CHAF1A: variants seen among roughly 807,000 people sequenced by gnomAD.
CHAF1A encodes chromatin assembly factor 1 subunit A.
A neutral mutation model predicts 93.2 loss-of-function variants in CHAF1A; 5 were observed. The observed-to-expected ratio is 0.05, with a 90% CI of 0.03 to 0.11. CHAF1A has a LOEUF of 0.11. Among genes scored for constraint, CHAF1A ranks in the 10% least tolerant of loss-of-function variants. The pLI, the probability that CHAF1A is intolerant of heterozygous loss-of-function variation, is 1.00. For synonymous variants in CHAF1A, 504 were observed against 510.3 expected (o/e 0.99, Z 0.17); for missense variants, 1,102 against 1,259.9 (o/e 0.87, Z 1.90).
chr19:4,443,631 G>C (rs925266866), downstream of CHAF1A, among the ~76,000 whole-genome samples: 3 of 152,224 alleles, frequency 2.0e-5, no homozygotes, highest in African/African-American at 7.2e-5. Context: ...TGGGGGGTTA[G>C]GAGAGGGTGT....
At chr19:4,411,642 A>ATTTTTT (rs1202069647) in intron 3 of CHAF1A, among the ~76,000 whole-genome samples, 1 of 38,066 alleles carries the variant, frequency 2.6e-5, no homozygotes, top group African/African-American at 9.4e-5. Flanking sequence ...AATGGTGCAA[A>ATTTTTT]TCTTTTTTTT....
chr19:4,437,632 C>G (rs1259854831), intron 13 of CHAF1A, among the ~76,000 whole-genome samples: 1 of 152,216 alleles, frequency 6.6e-6, no homozygotes, highest in African/African-American at 2.4e-5. Flanking sequence ...CTGACTGATG[C>G]TTCTGCACCC....
At chr19:4,423,997 A>T in intron 7 of CHAF1A, 123 bp downstream of exon 7, 1 of 814,324 alleles carries the variant, frequency 1.2e-6, no homozygotes, top group South Asian at 1.6e-5. Flanking sequence ...CCAGTGACCT[A>T]GGGCACTTCC....
chr19:4,402,915 T>C, intron 1 of CHAF1A, 101 bp downstream of exon 1: 5 of 718,496 alleles, frequency 7.0e-6, no homozygotes, highest in Non-Finnish European at 9.4e-6. Flanking sequence ...GCGCCAAGCC[T>C]GGTCCTGCGG....
chr19:4,405,844 C>T lies in CHAF1A; in HGVS notation c.53-68C>T, dbSNP rs1973671362. On this transcript the variant is annotated intron_variant, in intron 1 of 14. Transcript: ENST00000301280. ...TCCACCTTGTACATAATTGGCTCTA[C>T]ATATGTATTTGCTAACTTGATTATT... The T allele has an allele frequency of 8.5e-6, 12 of 1,403,714 alleles. No individual in the cohort carries two copies. In the Admixed American group the frequency reaches 1.7e-4, roughly 20 times the overall value. 87.0% of individuals were successfully genotyped at this position (1,403,714 alleles called of 1,614,324 possible). A position where few individuals can be genotyped will look rare whatever the true frequency, so the allele number is the denominator to read the frequency against.
intron 13 of CHAF1A, among the ~76,000 whole-genome samples, chr19:4,435,587 C>T (rs879744245): frequency 1.6e-4 from 25 of 152,050 alleles, no homozygotes; most frequent in Non-Finnish European, 3.4e-4. Flanking sequence ...CCAGGCTGGT[C>T]CCCAACTCCT....
chr19:4,446,775 G>A, downstream of CHAF1A: 3 of 1,612,652 alleles, frequency 1.9e-6, no homozygotes, highest in Non-Finnish European at 1.7e-6. Context: ...CCCAAGCCGG[G>A]CCCTCCTGCC....
chr19:4,446,294 C>T, downstream of CHAF1A: 2 of 1,571,096 alleles, frequency 1.3e-6, no homozygotes. Flanking sequence ...CTGCAGGAGG[C>T]AGCCATCGGG....
chr19:4,408,725 G>C (rs1056569284), intron 2 of CHAF1A, among the ~76,000 whole-genome samples, 178 bp from the exon 3 acceptor site: 2 of 151,090 alleles, frequency 1.3e-5, no homozygotes, highest in Non-Finnish European at 2.9e-5. Context: ...TGCTTGCCTC[G>C]GCCTCCCCAA....
At chr19:4,418,518 C>A (rs56227586) in intron 4 of CHAF1A, among the ~76,000 whole-genome samples, 26,471 of 151,058 alleles carry the variant, frequency 0.18, 2,895 homozygotes, top group Admixed American at 0.26. Flanking sequence ...CAGGTTCACG[C>A]CATTCTCCTG....
chr19:4,405,899 CT>C lies in CHAF1A; in HGVS notation c.53-9del. ...GAATTTAACAGTTTACCCTTTGACA[CT>C]TTTATTTGCAGCCATGGATTGCAAA... On this transcript the variant is annotated splice_polypyrimidine_tract_variant and intron_variant, in intron 1 of 14. Transcript: ENST00000301280. The C allele has an allele frequency of 6.2e-7, 1 of 1,612,044 alleles. No homozygotes were observed. The highest frequency in any genetic ancestry group is 8.5e-7 in the Non-Finnish European group (1 of 1,178,136).
intron 2 of CHAF1A, among the ~76,000 whole-genome samples, chr19:4,408,693 T>C (rs1004183116): frequency 6.6e-6 from 1 of 151,640 alleles, no homozygotes; most frequent in Non-Finnish European, 1.5e-5. Context: ...CTGGCTGGTC[T>C]CAAACTCCTG....
At chr19:4,416,151 G>A (rs1973893843) in intron 3 of CHAF1A, among the ~76,000 whole-genome samples, 1 of 152,018 alleles carries the variant, frequency 6.6e-6, no homozygotes, top group Admixed American at 6.6e-5. Flanking sequence ...TCCAGCCTGG[G>A]CGACAGAGCG....
downstream of CHAF1A, chr19:4,449,181 C>T (rs1030465086): frequency 6.5e-6 from 1 of 153,364 alleles, no homozygotes; most frequent in South Asian, 2.1e-4. Context: ...AGCCATCACA[C>T]ACGGCCACAC....
In CHAF1A at chr19:4,427,136, C is replaced by CTTTTTTTTTTTTTTTTTTTTTTTTTTTTT. The variant is rs747750687; in HGVS notation, c.1378-1525_1378-1497dup. Among the ~76,000 whole-genome samples, 4 of 31,948 alleles carry CTTTTTTTTTTTTTTTTTTTTTTTTTTTTT rather than the reference C, an allele frequency of 1.3e-4. 2 individuals are homozygous for CTTTTTTTTTTTTTTTTTTTTTTTTTTTTT. The highest frequency in any genetic ancestry group is 5.9e-4 in the African/African-American group (4 of 6,822). 21.0% of individuals were successfully genotyped at this position (31,948 alleles called of 152,430 possible). A position where few individuals can be genotyped will look rare whatever the true frequency, so the allele number is the denominator to read the frequency against. ...GTGATCTTTCAAAAAAAGACCCTGT[C>CTTTTTTTTTTTTTTTTTTTTTTTTTTTTT]TTTTTTTTTTTTTTTTTTTTTTTTT... On this transcript the variant is annotated intron_variant, in intron 7 of 14. Coordinates refer to ENST00000301280, the MANE Select transcript of CHAF1A (RefSeq NM_005483.3).
At chr19:4,421,800 A>G (rs57680072) in intron 4 of CHAF1A, among the ~76,000 whole-genome samples, 3,848 of 152,226 alleles carry the variant, frequency 0.025, 163 homozygotes, top group African/African-American at 0.088. Context: ...ACTTCTGTGT[A>G]AAGTTGTTGA....
intron 3 of CHAF1A, among the ~76,000 whole-genome samples, chr19:4,417,144 A>C (rs1280335790): frequency 6.6e-6 from 1 of 152,048 alleles, no homozygotes; most frequent in Non-Finnish European, 1.5e-5. Flanking sequence ...ACTAACTAAA[A>C]GCTTTTTTTA....
At chr19:4,450,644 AGCTACT>A in the CHAF1A span, 1 of 151,206 alleles carries the variant, frequency 6.6e-6, no homozygotes, top group Non-Finnish European at 1.5e-5. Context: ...CTGTGGTCCC[AGCTACT>A]CGGGAGGCTG....
intron 13 of CHAF1A, among the ~76,000 whole-genome samples, chr19:4,434,240 G>A (rs1357603377): frequency 6.6e-6 from 1 of 152,162 alleles, no homozygotes; most frequent in Non-Finnish European, 1.5e-5. Context: ...CAGCTACTCA[G>A]GAGGCTAAGG....
Sources: gnomAD v4.1 joint callset for allele counts (sites outside exome capture counted in the v4.1 genomes callset) on GRCh38, gnomAD v4.1.1 for gene constraint, MANE v1.5 for transcripts, NCBI Gene and HGNC (gene_info 2026-07-23, HGNC 2026-07-21) for gene names.